Variants in GRID2 observed in about 807,000 individuals in gnomAD.
GRID2 encodes the protein glutamate receptor ionotropic, delta-2.
GRID2 carries 33 observed loss-of-function variants against 114.8 expected under a neutral mutation model. The observed-to-expected ratio is 0.29, with a 90% CI of 0.22 to 0.38. GRID2 has a LOEUF of 0.38. Ranked by LOEUF, GRID2 falls within the 10% of genes least tolerant of loss-of-function variation. The pLI is 1.00. For missense variants in GRID2, 1,184 were observed against 1,257.7 expected (o/e 0.94, Z 0.89); for synonymous variants, 505 against 449.9 (o/e 1.12, Z -1.55).
intron 2 of GRID2, among the ~76,000 whole-genome samples, chr4:92,958,691 G>A (rs187655423): frequency 2.0e-5 from 3 of 152,136 alleles, no homozygotes; most frequent in East Asian, 1.9e-4. Context: ...CATAGAATGA[G>A]TTAGAAAGTA....
chr4:93,085,002 A>G lies in GRID2; in HGVS notation c.252A>G (p.Glu84=). 1.2e-6 allele frequency: 2 copies of G among 1,613,560 alleles called. No homozygotes were observed. The highest frequency in any genetic ancestry group is 1.7e-6 in the Non-Finnish European group (2 of 1,179,494). ...NPFQAVQEAC[E]LMNQGILALV... The stretch of plus-strand genomic sequence containing the variant: ...TACTGTGCTTTCTTGCAGCCTGTGA[A>G]CTTATGAATCAAGGCATCTTGGCCC... The change falls in exon 3 of 16, where the codon GAA becomes GAG. Residue 84 remains glutamate, a synonymous_variant. Transcript: ENST00000282020.
intron 2 of GRID2, among the ~76,000 whole-genome samples, chr4:92,794,179 C>T (rs971210796): frequency 5.3e-5 from 8 of 151,790 alleles, no homozygotes; most frequent in Non-Finnish European, 7.4e-5. Context: ...TCCAGTGGCA[C>T]ATGTAAGCTC....
At chr4:92,663,470 G>T (rs1440884502) in intron 2 of GRID2, among the ~76,000 whole-genome samples, 1 of 151,100 alleles carries the variant, frequency 6.6e-6, no homozygotes, top group Non-Finnish European at 1.5e-5. Flanking sequence ...GTAGGAATAT[G>T]CATATACTAT....
chr4:93,315,717 A>C (rs965616939), intron 8 of GRID2, among the ~76,000 whole-genome samples: 22 of 152,238 alleles, frequency 1.4e-4, no homozygotes, highest in African/African-American at 5.3e-4. Flanking sequence ...AATGAAAACT[A>C]TGAACTATCT....
intron 2 of GRID2, among the ~76,000 whole-genome samples, chr4:92,926,833 A>G (rs1749845083): frequency 6.6e-6 from 1 of 151,922 alleles, no homozygotes; most frequent in African/African-American, 2.4e-5. Context: ...AACATGAGTT[A>G]AGGAGCAATA....
At chr4:93,283,042 C>T (rs1253484861) in intron 8 of GRID2, among the ~76,000 whole-genome samples, 1 of 152,050 alleles carries the variant, frequency 6.6e-6, no homozygotes, top group African/African-American at 2.4e-5. Flanking sequence ...GGCCCCATCT[C>T]CAACATTGGG....
intron 2 of GRID2, among the ~76,000 whole-genome samples, chr4:92,795,966 G>A (rs1739848291): frequency 1.3e-5 from 2 of 151,752 alleles, no homozygotes; most frequent in Admixed American, 1.3e-4. Context: ...TCCTTGATTG[G>A]TTCTGTTGTA....
chr4:93,412,343 G>C (rs913211774), intron 9 of GRID2, among the ~76,000 whole-genome samples: 2 of 151,414 alleles, frequency 1.3e-5, no homozygotes, highest in East Asian at 2.0e-4. Context: ...GTAATGAGCC[G>C]TGATTGTGCC....
intron 2 of GRID2, among the ~76,000 whole-genome samples, chr4:93,014,583 G>T (rs542940145): frequency 5.7e-4 from 86 of 152,176 alleles, no homozygotes; most frequent in African/African-American, 2.0e-3. Flanking sequence ...GGTCACTTTT[G>T]ATGACAATAC....
intron 13 of GRID2, among the ~76,000 whole-genome samples, chr4:93,565,301 T>G (rs1578273441): frequency 6.6e-6 from 1 of 152,158 alleles, no homozygotes; most frequent in East Asian, 1.9e-4. Flanking sequence ...TTGGTGGATT[T>G]CATTCATATC....
intron 2 of GRID2, among the ~76,000 whole-genome samples, chr4:93,043,795 A>T (rs551951472): frequency 7.2e-5 from 11 of 152,228 alleles, no homozygotes; most frequent in Middle Eastern, 6.8e-3. Context: ...GAATAGCATT[A>T]GAAGATATAC....
intron 2 of GRID2, among the ~76,000 whole-genome samples, chr4:92,694,270 GA>G: frequency 6.6e-6 from 1 of 152,124 alleles, no homozygotes; most frequent in African/African-American, 2.4e-5. Context: ...AGGAAATTAG[GA>G]AAGAAGGTAA....
At chr4:93,164,732 A>G (rs1317763540) in intron 4 of GRID2, 1 of 440,612 alleles carries the variant, frequency 2.3e-6, no homozygotes, top group Non-Finnish European at 4.6e-6. Context: ...TTCATTTTTC[A>G]GATGTCGTTT....
chr4:93,183,029 G>T (rs1740045109), intron 4 of GRID2, among the ~76,000 whole-genome samples: 1 of 152,122 alleles, frequency 6.6e-6, no homozygotes, highest in Non-Finnish European at 1.5e-5. Context: ...ATAATATCTG[G>T]CATTCACAGG....
chr4:93,039,087 G>A (rs1366566171), intron 2 of GRID2, among the ~76,000 whole-genome samples: 1 of 152,104 alleles, frequency 6.6e-6, no homozygotes. Flanking sequence ...ATCAATGATA[G>A]ACTGGATAAA....
At chr4:92,776,009 C>T (rs1738774886) in intron 2 of GRID2, among the ~76,000 whole-genome samples, 1 of 152,100 alleles carries the variant, frequency 6.6e-6, no homozygotes, top group South Asian at 2.1e-4. Flanking sequence ...TGACCTCTGA[C>T]ACACTATAGG....
intron 14 of GRID2, among the ~76,000 whole-genome samples, chr4:93,749,132 G>C (rs529925056): frequency 6.6e-6 from 1 of 152,176 alleles, no homozygotes; most frequent in Non-Finnish European, 1.5e-5. Context: ...TGCATGGGTG[G>C]CTGAGGTGCG....
At chr4:93,229,189 C>A (rs1415923854) in intron 7 of GRID2, among the ~76,000 whole-genome samples, 1 of 152,040 alleles carries the variant, frequency 6.6e-6, no homozygotes. Context: ...CTTTTTGCAT[C>A]ATATGAGTGT....
At chr4:93,793,670 C>T (rs2110360711) in intron 1 of GRID2, among the ~76,000 whole-genome samples, 1 of 152,232 alleles carries the variant, frequency 6.6e-6, no homozygotes, top group Admixed American at 6.5e-5. Flanking sequence ...TGAGAAAACA[C>T]CTTCTCAAAT....
Sources: gnomAD v4.1 joint callset for allele counts (sites outside exome capture counted in the v4.1 genomes callset) on GRCh38, gnomAD v4.1.1 for gene constraint, MANE v1.5 for transcripts, NCBI Gene and HGNC (gene_info 2026-07-23, HGNC 2026-07-21) for gene names.